Variants in PDE6D observed in about 807,000 individuals in gnomAD.
PDE6D encodes retinal rod rhodopsin-sensitive cGMP 3',5'-cyclic phosphodiesterase subunit delta.
Under a neutral mutation model 21.9 loss-of-function variants are expected in PDE6D, and 10 were observed. That is an observed-to-expected ratio of 0.46 (90% CI 0.28 to 0.78). PDE6D has a LOEUF of 0.78. Ranked by LOEUF, PDE6D falls within the 30% of genes least tolerant of loss-of-function variation. The probability of loss-of-function intolerance (pLI) is 0.12; values close to 1 mark genes in which losing one functional copy is unlikely to be tolerated. For missense variants in PDE6D, 139 were observed against 184.8 expected (o/e 0.75, Z 1.44); for synonymous variants, 59 against 63.5 (o/e 0.93, Z 0.34).
intron 1 of PDE6D, among the ~76,000 whole-genome samples, chr2:231,743,136 A>G (rs927333116): frequency 1.3e-5 from 2 of 152,102 alleles, no homozygotes; most frequent in African/African-American, 4.8e-5. Context: ...CTATACGAGA[A>G]AAGTCTCGGC....
At chr2:231,771,169 G>A (rs572785308) in intron 1 of PDE6D, among the ~76,000 whole-genome samples, 10 of 151,754 alleles carry the variant, frequency 6.6e-5, no homozygotes, top group South Asian at 2.1e-4. Context: ...GGGGTTTGGC[G>A]TGTTGGCCAG....
chr2:231,777,207 G>A (rs907063531), intron 1 of PDE6D, among the ~76,000 whole-genome samples: 1 of 152,192 alleles, frequency 6.6e-6, no homozygotes, highest in Admixed American at 6.5e-5. Context: ...TGGGGTGAAG[G>A]TGATACAAGA....
chr2:231,738,244 C>T (rs1354750655), intron 2 of PDE6D, 106 bp from the exon 3 acceptor site: 1 of 1,041,308 alleles, frequency 9.6e-7, no homozygotes. Flanking sequence ...AGAACACTTT[C>T]TTACAGCTGA....
chr2:231,779,690 A>G (rs1309334973), intron 1 of PDE6D, among the ~76,000 whole-genome samples: 2 of 152,258 alleles, frequency 1.3e-5, no homozygotes, highest in East Asian at 3.8e-4. Flanking sequence ...CTACTAAACC[A>G]AAACATGAAA....
intron 1 of PDE6D, among the ~76,000 whole-genome samples, chr2:231,776,435 G>C (rs1012107916): frequency 6.6e-6 from 1 of 151,056 alleles, no homozygotes; most frequent in Non-Finnish European, 1.5e-5. Flanking sequence ...AGTGAACAAA[G>C]TAAGTTACAA....
chr2:231,736,473 C>T (rs1335409409), intron 4 of PDE6D, among the ~76,000 whole-genome samples: 1 of 152,136 alleles, frequency 6.6e-6, no homozygotes, highest in Non-Finnish European at 1.5e-5. Context: ...GCCATTACGC[C>T]CAGCTAACTC....
At chr2:231,748,364 A>C (rs1337160366) in intron 1 of PDE6D, among the ~76,000 whole-genome samples, 1 of 152,184 alleles carries the variant, frequency 6.6e-6, no homozygotes, top group African/African-American at 2.4e-5. Context: ...CCCGTGCCCT[A>C]GAGTTTTCTG....
At chr2:231,768,133 C>G (rs548930736) in intron 1 of PDE6D, among the ~76,000 whole-genome samples, 1 of 152,164 alleles carries the variant, frequency 6.6e-6, no homozygotes, top group African/African-American at 2.4e-5. Context: ...GTGTGAGCCA[C>G]TGTATCTGCC....
intron 1 of PDE6D, among the ~76,000 whole-genome samples, chr2:231,750,687 T>C (rs2048832745): frequency 7.7e-6 from 1 of 130,370 alleles, no homozygotes; most frequent in South Asian, 2.4e-4. Flanking sequence ...TTTTTTTTTT[T>C]AGTATAGACT....
At chr2:231,756,747 A>C (rs920280940) in intron 1 of PDE6D, among the ~76,000 whole-genome samples, 2 of 150,748 alleles carry the variant, frequency 1.3e-5, no homozygotes, top group Non-Finnish European at 3.0e-5. Flanking sequence ...GCCCTAAACC[A>C]AAGATTCAAA....
rs182432620 is a variant in PDE6D at position 231,779,954 on chromosome 2, G to C, written c.50+1111C>G. Among the ~76,000 whole-genome samples the C allele has an allele frequency of 1.2e-4, 18 of 152,306 alleles. No individual in the cohort carries two copies. The East Asian group carries it at 3.5e-3, about 29-fold the overall frequency. The stretch of plus-strand genomic sequence containing the variant: ...ACAGTGCTTTACTAAACCTCCAAGG[G>C]AGGAGCCCTGAAGTGGTGACTACCT... On this transcript the variant is annotated intron_variant, in intron 1 of 4. Transcript: ENST00000287600.
chr2:231,761,359 G>A (rs1261709445), intron 1 of PDE6D, among the ~76,000 whole-genome samples: 1 of 149,470 alleles, frequency 6.7e-6, no homozygotes, highest in African/African-American at 2.4e-5. Context: ...TGTATTTTTA[G>A]TAGAGATGGG....
At chr2:231,770,003 G>C (rs1394152857) in intron 1 of PDE6D, among the ~76,000 whole-genome samples, 1 of 152,190 alleles carries the variant, frequency 6.6e-6, no homozygotes, top group African/African-American at 2.4e-5. Context: ...AGGTAGCCTT[G>C]TGTATTCTGA....
intron 1 of PDE6D, among the ~76,000 whole-genome samples, chr2:231,744,729 C>T (rs763875449): frequency 3.3e-5 from 5 of 151,952 alleles, no homozygotes; most frequent in Non-Finnish European, 5.9e-5. Context: ...CCACCGTGCC[C>T]GGCCCTAATT....
At position 231,766,586 on chromosome 2, in the gene PDE6D, A is replaced by G. The variant is rs759792391; in HGVS notation, c.50+14479T>C. Among the ~76,000 whole-genome samples, 3 of 152,198 alleles carry G rather than the reference A, an allele frequency of 2.0e-5. 1 individual carries two copies. Among genetic ancestry groups the G allele is most frequent in the Non-Finnish European group, 4.4e-5 (3 of 68,044 alleles). On this transcript the variant is annotated intron_variant, in intron 1 of 4. Transcript: ENST00000287600. Reference sequence around the variant, plus strand: ...TCAGGTTATTTGGAGGCACAGGGATATTGCCTTGAATCCTGTCAAAATCTA... The same window carrying G: ...TCAGGTTATTTGGAGGCACAGGGATGTTGCCTTGAATCCTGTCAAAATCTA...
In PDE6D at chr2:231,738,035, G is replaced by A. The variant is rs1478756387; in HGVS notation, c.243C>T (p.Tyr81=). The change falls in exon 3 of 5, where the codon TAC becomes TAT. Residue 81 remains tyrosine (Y), a synonymous_variant. Transcript: ENST00000287600. The stretch of plus-strand genomic sequence containing the variant: ...TACCTTCTAGGCATTGCCCTTTGAA[G>A]TAAACTTTTTGTTCCAGGCGGAATT... ...MEKFRLEQKV[Y]FKGQCLEEWF... 1 of 1,613,960 alleles carries A rather than the reference G, an allele frequency of 6.2e-7. No homozygotes were observed. The highest frequency in any genetic ancestry group is 1.7e-5 in the Admixed American group (1 of 59,982).
At chr2:231,776,048 G>A (rs2049053558) in intron 1 of PDE6D, among the ~76,000 whole-genome samples, 1 of 152,180 alleles carries the variant, frequency 6.6e-6, no homozygotes. Flanking sequence ...TAAGAGTACT[G>A]TGACAAATGC....
At chr2:231,774,275 G>A (rs1046468125) in intron 1 of PDE6D, among the ~76,000 whole-genome samples, 5 of 152,160 alleles carry the variant, frequency 3.3e-5, no homozygotes, top group Admixed American at 1.3e-4. Flanking sequence ...AATGGCAGCA[G>A]ATATTACTAT....
At chr2:231,744,306 T>C (rs900568534) in intron 1 of PDE6D, among the ~76,000 whole-genome samples, 2 of 152,226 alleles carry the variant, frequency 1.3e-5, no homozygotes, top group African/African-American at 4.8e-5. Context: ...CTATCTGGCA[T>C]TTAGTGAATA....
Sources: allele counts gnomAD v4.1 joint callset (sites outside exome capture counted in the v4.1 genomes callset), GRCh38; gene constraint gnomAD v4.1.1; transcripts MANE v1.5; gene names NCBI Gene and HGNC (gene_info 2026-07-23, HGNC 2026-07-21).